The following SLC16A7 variants were observed in gnomAD, a reference collection of about 807,000 sequenced individuals.
SLC16A7 encodes the protein monocarboxylate transporter 2.
Under a neutral mutation model 34.9 loss-of-function variants are expected in SLC16A7, and 33 were observed. The observed-to-expected ratio is 0.94, with a 90% CI of 0.72 to 1.26. The LOEUF (loss-of-function observed/expected upper bound fraction) is 1.26. Ranked by LOEUF, SLC16A7 falls within the 50% of genes most tolerant of loss-of-function variation. The probability of loss-of-function intolerance (pLI) is 0.00; values close to 1 mark genes in which losing one functional copy is unlikely to be tolerated. For missense variants in SLC16A7, 573 were observed against 578.1 expected (o/e 0.99, Z 0.09); for synonymous variants, 201 against 206.6 (o/e 0.97, Z 0.23).
At chr12:59,674,138 A>G (rs1166613617) in intron 2 of SLC16A7, among the ~76,000 whole-genome samples, 2 of 152,176 alleles carry the variant, frequency 1.3e-5, no homozygotes, top group Non-Finnish European at 2.9e-5. Context: ...TATGTTGCAT[A>G]ATATTTATGT....
In SLC16A7 at chr12:59,671,961, ATGTG is replaced by A. The variant is rs1344572503; in HGVS notation, c.-31+16713_-31+16716del. Among the ~76,000 whole-genome samples, 14 of 70,952 alleles carry A rather than the reference ATGTG, an allele frequency of 2.0e-4. 1 individual carries two copies. Among genetic ancestry groups the A allele is most frequent in the African/African-American group, 1.0e-3 (14 of 14,048 alleles). 46.5% of individuals were successfully genotyped at this position (70,952 alleles called of 152,430 possible). A position where few individuals can be genotyped will look rare whatever the true frequency, so the allele number is the denominator to read the frequency against. Reference sequence around the variant, plus strand: ...TGTATATATGTGTATATATGTATATATGTGTATATATCCATATATCCGTATATAT... The same window carrying A: ...TGTATATATGTGTATATATGTATATATATATATCCATATATCCGTATATAT... On this transcript the variant is annotated intron_variant, in intron 2 of 5. Transcript: ENST00000547379.
At chr12:59,652,869 T>C (rs1164188088) in intron 1 of SLC16A7, among the ~76,000 whole-genome samples, 1 of 151,858 alleles carries the variant, frequency 6.6e-6, no homozygotes, top group African/African-American at 2.4e-5. Flanking sequence ...GATTTACACA[T>C]GCATGCTTCA....
At chr12:59,647,893 A>T (rs915136641) in intron 1 of SLC16A7, among the ~76,000 whole-genome samples, 3 of 152,098 alleles carry the variant, frequency 2.0e-5, no homozygotes, top group Admixed American at 1.3e-4. Context: ...TACAAAAAAA[A>T]AATACAAAAA....
intron 1 of SLC16A7, among the ~76,000 whole-genome samples, chr12:59,601,621 T>C (rs958994860): frequency 2.6e-5 from 4 of 152,146 alleles, no homozygotes; most frequent in South Asian, 2.1e-4. Context: ...CTGAGTAAAT[T>C]TGGGCTGCGA....
At chr12:59,757,941 T>C (rs1389145526) in intron 3 of SLC16A7, among the ~76,000 whole-genome samples, 1 of 152,180 alleles carries the variant, frequency 6.6e-6, no homozygotes, top group Non-Finnish European at 1.5e-5. Context: ...ATTTATGTTA[T>C]CAGTAAAGCT....
At chr12:59,709,033 C>G in intron 3 of SLC16A7, among the ~76,000 whole-genome samples, 1 of 151,542 alleles carries the variant, frequency 6.6e-6, no homozygotes, top group East Asian at 1.9e-4. Flanking sequence ...TTTAAACTTT[C>G]TACACTGTTT....
chr12:59,713,309 C>T (rs184098242), intron 3 of SLC16A7, among the ~76,000 whole-genome samples: 5 of 152,190 alleles, frequency 3.3e-5, no homozygotes, highest in South Asian at 2.1e-4. Flanking sequence ...CATGAGCCAC[C>T]GCACCCAGCT....
At chr12:59,749,721 G>T (rs1274640671) in intron 3 of SLC16A7, among the ~76,000 whole-genome samples, 1 of 152,184 alleles carries the variant, frequency 6.6e-6, no homozygotes. Flanking sequence ...CTAGAGAGAA[G>T]ATGTTTTGCA....
At position 59,774,905 on chromosome 12, in the gene SLC16A7, A is replaced by C; in HGVS notation, c.610A>C (p.Thr204Pro). The C allele has an allele frequency of 6.2e-7, 1 of 1,613,958 alleles. No homozygotes were observed. The highest frequency in any genetic ancestry group is 8.5e-7 in the Non-Finnish European group (1 of 1,179,940). Residue 204 changes from threonine (T) to proline (P), a missense_variant, in exon 5 of 6, where the codon ACT (threonine) becomes CCT (proline). By Grantham distance (38) the Thr-to-Pro change is conservative. Transcript: ENST00000547379. ...GAGACCCCTTGGACCCAATCAAACC[A>C]CTTCTAAGTCTAAAAATAAGACTGG... ...LMRPLGPNQT[T>P]SKSKNKTGKT... is the part of the protein sequence containing the mutation.
intron 3 of SLC16A7, chr12:59,761,195 A>T: frequency 8.0e-7 from 1 of 1,253,890 alleles, no homozygotes; most frequent in Non-Finnish European, 1.0e-6. Flanking sequence ...AATCAGGATC[A>T]TGCCTAGGTA....
intron 1 of SLC16A7, among the ~76,000 whole-genome samples, chr12:59,630,399 C>G (rs1407733414): frequency 3.3e-5 from 5 of 151,796 alleles, no homozygotes. Context: ...TGGCTATTTA[C>G]CAGTGGTGTG....
At chr12:59,759,887 A>G (rs1418098312) in intron 3 of SLC16A7, among the ~76,000 whole-genome samples, 1 of 152,070 alleles carries the variant, frequency 6.6e-6, no homozygotes, top group Non-Finnish European at 1.5e-5. Flanking sequence ...TATTAGCATG[A>G]CATTTTAAAC....
At chr12:59,658,091 T>C (rs1352915263) in intron 2 of SLC16A7, among the ~76,000 whole-genome samples, 4 of 152,052 alleles carry the variant, frequency 2.6e-5, no homozygotes, top group Non-Finnish European at 4.4e-5. Flanking sequence ...TCCCTTTAAA[T>C]TGGATACTTA....
Position 59,736,024 on chromosome 12 carries a change from A to T in SLC16A7, c.217+31006A>T, listed in dbSNP as rs1877549710. On this transcript the variant is annotated intron_variant, in intron 3 of 5. Transcript: ENST00000547379. ...TTTGGTAGAAACATTATTTTAATGT[A>T]TGGTTTTAATAAGAACTCAGGGATA... 3 of 585,504 alleles carry T rather than the reference A, an allele frequency of 5.1e-6. No homozygotes were observed. In the South Asian group the frequency reaches 5.6e-5, roughly 11 times the overall value. The allele number at this position is 585,504 out of a possible 1,614,324, so 36.3% of individuals were successfully genotyped here.
At position 59,701,545 on chromosome 12, in the gene SLC16A7, A is replaced by G. The variant is rs369143879; in HGVS notation, c.-30-3227A>G. ...CAAGTAGAATGCTTTTAAAGGGTCT[A>G]TAAGTTCAAATTATTTTAATATAAG... On this transcript the variant is annotated intron_variant, in intron 2 of 5. Transcript: ENST00000547379. Among the ~76,000 whole-genome samples the G allele has an allele frequency of 4.6e-5, 7 of 151,640 alleles. No homozygotes were observed. The South Asian group carries it at 1.2e-3, about 27-fold the overall frequency.
rs202152337 is a variant in SLC16A7 at position 59,775,433 on chromosome 12, A to C, written c.1138A>C (p.Ile380Leu). 3.8e-5 allele frequency: 61 copies of C among 1,613,922 alleles called. No individual in the cohort carries two copies. The highest frequency in any genetic ancestry group is 3.4e-5 in the Non-Finnish European group (40 of 1,179,954). Residue 380 changes from isoleucine to leucine, a missense_variant, in exon 5 of 6, where the codon ATT becomes CTT. By Grantham distance (5) the Ile-to-Leu change is conservative (BLOSUM62 2). Transcript: ENST00000547379. ...TTCCAGTGCCGTCGGACTTGTCACA[A>C]TTGTGGAGTGTGGCCCAGTTCTTCT... ...RFSSAVGLVT[I>L]VECGPVLLGP...
chr12:59,618,437 A>T lies in SLC16A7; in HGVS notation c.-130+22201A>T, dbSNP rs1169313277. Reference sequence around the variant, plus strand: ...AACGTTCTATTCAATAATGGGGCAAAAAAGATGAGTAAAAGTCACCTGTAT... The same window carrying T: ...AACGTTCTATTCAATAATGGGGCAATAAAGATGAGTAAAAGTCACCTGTAT... On this transcript the variant is annotated intron_variant, in intron 1 of 5. Transcript: ENST00000547379. Among the ~76,000 whole-genome samples the T allele has an allele frequency of 5.3e-5, 8 of 152,138 alleles. No homozygotes were observed. In the East Asian group the frequency reaches 7.7e-4, roughly 15 times the overall value.
intron 2 of SLC16A7, among the ~76,000 whole-genome samples, chr12:59,695,683 G>C (rs546575746): frequency 2.6e-5 from 4 of 152,118 alleles, no homozygotes; most frequent in African/African-American, 9.6e-5. Flanking sequence ...GGTGGCCCTG[G>C]ATATAAGGCA....
Position 59,785,797 on chromosome 12 carries a change from T to C in SLC16A7, c.*6118T>C, listed in dbSNP as rs1197818020. ...TCAAACAGGATTTTTTGTTTCTTTT[T>C]AATTTAAATATGGCAAAATAAGCTA... On this transcript the variant is annotated 3_prime_UTR_variant, in exon 6 of 6. Transcript: ENST00000547379. 6.6e-6 allele frequency: 1 copy of C among 152,144 alleles called. No homozygotes were observed. Among genetic ancestry groups the C allele is most frequent in the Non-Finnish European group, 1.5e-5 (1 of 68,024 alleles). 9.4% of individuals were successfully genotyped at this position (152,144 alleles called of 1,614,324 possible).
Sources: allele counts gnomAD v4.1 joint callset (sites outside exome capture counted in the v4.1 genomes callset), GRCh38; gene constraint gnomAD v4.1.1; transcripts MANE v1.5; gene names NCBI Gene and HGNC (gene_info 2026-07-23, HGNC 2026-07-21).